BCL11B: variants seen among roughly 807,000 people sequenced by gnomAD.
BCL11B encodes the protein B-cell lymphoma/leukemia 11B.
A neutral mutation model predicts 49.9 loss-of-function variants in BCL11B; 8 were observed. That is an observed-to-expected ratio of 0.16 (90% CI 0.09 to 0.29). The LOEUF is 0.29. Ranked by LOEUF, BCL11B falls within the 10% of genes least tolerant of loss-of-function variation. BCL11B has a pLI of 1.00. For synonymous variants in BCL11B, 739 were observed against 637.4 expected (o/e 1.16, Z -2.40); for missense variants, 1,006 against 1,351.0 (o/e 0.74, Z 4.00).
Position 99,231,223 on chromosome 14 carries a change from C to T in BCL11B, c.640+122G>A. 1 of 1,107,006 alleles carries T rather than the reference C, an allele frequency of 9.0e-7. No individual in the cohort carries two copies. Among genetic ancestry groups the T allele is most frequent in the Non-Finnish European group, 1.3e-6 (1 of 785,138 alleles). 68.6% of individuals were successfully genotyped at this position (1,107,006 alleles called of 1,614,324 possible). Reference sequence around the variant, plus strand: ...CATTCTTTACCACTTCCCCTGGCACCCCAAAAAGCCTTCTGGGTGGGAGCT... The same window carrying T: ...CATTCTTTACCACTTCCCCTGGCACTCCAAAAAGCCTTCTGGGTGGGAGCT... On this transcript the variant is annotated intron_variant, in intron 3 of 3. Coordinates refer to ENST00000357195, the MANE Select transcript of BCL11B (RefSeq NM_138576.4). This position sits in a 1 kb window ranked among gnomAD's most constrained non-coding sequence, Gnocchi z 8.1.
chr14:99,225,657 A>AAAG (rs1555381474), intron 3 of BCL11B, among the ~76,000 whole-genome samples: 1 of 152,136 alleles, frequency 6.6e-6, no homozygotes, highest in Non-Finnish European at 1.5e-5. Flanking sequence ...AAAAGGGAAA[A>AAAG]AAAGAAAGAA....
chr14:99,175,120 C>G lies in BCL11B; in HGVS notation c.1716G>C (p.Gly572=). The change falls in exon 4 of 4, where the codon GGG becomes GGC. Residue 572 remains glycine (G), a synonymous_variant. Transcript: ENST00000357195. ...CCCCCGCGCCCGGGACCCCGGGCAC[C>G]CCACCACCGCCGTTCTCGCGGTTGC... ...LSRNRENGGG[G]VPGVPGAGGG... 1 of 1,588,488 alleles carries G rather than the reference C, an allele frequency of 6.3e-7. No homozygotes were observed. Among genetic ancestry groups the G allele is most frequent in the Non-Finnish European group, 8.6e-7 (1 of 1,168,098 alleles).
chr14:99,188,804 G>A (rs1240466896), intron 3 of BCL11B, among the ~76,000 whole-genome samples: 1 of 152,198 alleles, frequency 6.6e-6, no homozygotes, highest in African/African-American at 2.4e-5. Flanking sequence ...GGGGGGTGGC[G>A]CTGCGGCTCC....
chr14:99,246,542 G>T (rs1319857817), intron 2 of BCL11B, among the ~76,000 whole-genome samples: 1 of 152,242 alleles, frequency 6.6e-6, no homozygotes, highest in Non-Finnish European at 1.5e-5. Flanking sequence ...CGCAGGGGAG[G>T]CCCCCGCGCA....
chr14:99,171,860 G>A lies in BCL11B; in HGVS notation c.*2291C>T, dbSNP rs1886300376. 4.9e-6 allele frequency: 1 copy of A among 204,446 alleles called. No homozygotes were observed. The highest frequency in any genetic ancestry group is 1.9e-4 in the South Asian group (1 of 5,234). The allele number at this position is 204,446 out of a possible 1,614,324, so 12.7% of individuals were successfully genotyped here. A position where few individuals can be genotyped will look rare whatever the true frequency, so the allele number is the denominator to read the frequency against. ...CAACATTTTCAAGGAAAAGAAAAGGGTATTTTTTTTCTTGTTTTGTAAAAT... is the reference window on the plus strand; with the variant it reads ...CAACATTTTCAAGGAAAAGAAAAGGATATTTTTTTTCTTGTTTTGTAAAAT... On this transcript the variant is annotated 3_prime_UTR_variant, in exon 4 of 4. Coordinates refer to ENST00000357195, the MANE Select transcript of BCL11B (RefSeq NM_138576.4).
Position 99,270,165 on chromosome 14 carries a change from T to A in BCL11B, c.58+996A>T, listed in dbSNP as rs76953013. Among the ~76,000 whole-genome samples, 11 of 152,174 alleles carry A rather than the reference T, an allele frequency of 7.2e-5. No homozygotes were observed. In the East Asian group the frequency reaches 2.1e-3, roughly 30 times the overall value. On this transcript the variant is annotated intron_variant, in intron 1 of 3. Transcript: ENST00000357195. ...CTTGTCTTGCCCCGCTGCCTGACTT[T>A]GCCCGCCCAGCCACATGCTTGAAAT... is the stretch of plus-strand genomic sequence containing the variant.
chr14:99,172,175 ATTGT>A lies in BCL11B; in HGVS notation c.*1972_*1975del, dbSNP rs1490969081. The A allele has an allele frequency of 4.5e-6, 1 of 223,250 alleles. No homozygotes were observed. The highest frequency in any genetic ancestry group is 5.7e-5 in the Admixed American group (1 of 17,440). The allele number at this position is 223,250 out of a possible 1,614,324, so 13.8% of individuals were successfully genotyped here. ...AGAAAAAATTAGCCGTTGTTCCTGA[ATTGT>A]TTTTGTTTTGCTTTTCATTCAACGA... On this transcript the variant is annotated 3_prime_UTR_variant, in exon 4 of 4. Coordinates refer to ENST00000357195, the MANE Select transcript of BCL11B (RefSeq NM_138576.4).
intron 2 of BCL11B, among the ~76,000 whole-genome samples, chr14:99,233,139 T>C (rs1406618495): frequency 5.3e-5 from 8 of 152,176 alleles, no homozygotes; most frequent in Non-Finnish European, 2.9e-5. Context: ...ACCTGCCTCC[T>C]CCTGGAAGCC....
At chr14:99,233,742 G>A (rs927564420) in intron 2 of BCL11B, among the ~76,000 whole-genome samples, 2 of 152,196 alleles carry the variant, frequency 1.3e-5, no homozygotes, top group Non-Finnish European at 2.9e-5. Context: ...GTCTGTAAAG[G>A]CGATGTCACA....
In BCL11B at chr14:99,232,929, GT is replaced by G. The variant is rs1434694463; in HGVS notation, c.428-1373del. On this transcript the variant is annotated intron_variant, in intron 2 of 3. Coordinates refer to ENST00000357195, the MANE Select transcript of BCL11B (RefSeq NM_138576.4). This position sits in a 1 kb window ranked among gnomAD's most constrained non-coding sequence, Gnocchi z 5.1. Reference sequence around the variant, plus strand: ...CAAGCTGTCAGTGTCCTGTCAAGAGGTCAAAGCTAACACCAACACTGCTCGG... The same window carrying G: ...CAAGCTGTCAGTGTCCTGTCAAGAGGCAAAGCTAACACCAACACTGCTCGG... Among the ~76,000 whole-genome samples, 2 of 152,280 alleles carry G rather than the reference GT, an allele frequency of 1.3e-5. No homozygotes were observed. Among genetic ancestry groups the G allele is most frequent in the South Asian group, 4.1e-4 (2 of 4,824 alleles).
At chr14:99,209,090 T>C (rs1355512985) in intron 3 of BCL11B, among the ~76,000 whole-genome samples, 1 of 152,158 alleles carries the variant, frequency 6.6e-6, no homozygotes, top group African/African-American at 2.4e-5. Context: ...GGCTACAGTC[T>C]GAGACCTGGT....
chr14:99,185,803 G>A (rs1398442007), intron 3 of BCL11B, among the ~76,000 whole-genome samples: 3 of 152,162 alleles, frequency 2.0e-5, no homozygotes, highest in African/African-American at 7.2e-5. Context: ...TGCTCCCGAG[G>A]TGCTTTCCTG....
At chr14:99,268,200 C>G (rs906045564) in intron 1 of BCL11B, among the ~76,000 whole-genome samples, 4 of 152,140 alleles carry the variant, frequency 2.6e-5, no homozygotes, top group African/African-American at 9.7e-5. Context: ...TTTTACCTCA[C>G]TCCTCTTGTC....
intron 2 of BCL11B, among the ~76,000 whole-genome samples, chr14:99,253,618 C>G (rs1022703572): frequency 6.6e-6 from 1 of 152,126 alleles, no homozygotes. Flanking sequence ...CTGACTCGGG[C>G]TGTGTTCTTT....
At chr14:99,245,998 C>G (rs905126910) in intron 2 of BCL11B, among the ~76,000 whole-genome samples, 1 of 152,168 alleles carries the variant, frequency 6.6e-6, no homozygotes, top group Non-Finnish European at 1.5e-5. Flanking sequence ...GCAGAGTGCT[C>G]CGAGGAAGCC....
chr14:99,208,548 A>T (rs867696220), intron 3 of BCL11B, among the ~76,000 whole-genome samples: 4 of 152,188 alleles, frequency 2.6e-5, no homozygotes, highest in African/African-American at 9.7e-5. Flanking sequence ...GCAGACAGGG[A>T]AGCTAACCCA....
intron 3 of BCL11B, among the ~76,000 whole-genome samples, chr14:99,179,405 C>T (rs1040237027): frequency 7.3e-6 from 1 of 137,170 alleles, no homozygotes; most frequent in Non-Finnish European, 1.5e-5. Context: ...ACCCGGGAGA[C>T]GGAAGTGGCA....
chr14:99,258,227 G>A (rs1374859284), intron 1 of BCL11B, among the ~76,000 whole-genome samples: 1 of 152,204 alleles, frequency 6.6e-6, no homozygotes, highest in Non-Finnish European at 1.5e-5. Flanking sequence ...TCCAGTATCT[G>A]AGAATCACCT....
chr14:99,180,817 C>T (rs1280499979), intron 3 of BCL11B, among the ~76,000 whole-genome samples: 2 of 152,140 alleles, frequency 1.3e-5, no homozygotes, highest in African/African-American at 2.4e-5. Context: ...TTTAATGCAG[C>T]CTGCCTCATG....
Sources: allele counts gnomAD v4.1 joint callset (sites outside exome capture counted in the v4.1 genomes callset), GRCh38; gene constraint gnomAD v4.1.1; non-coding constraint Gnocchi (gnomAD v3.1); transcripts MANE v1.5; gene names NCBI Gene and HGNC (gene_info 2026-07-23, HGNC 2026-07-21).